Variants in RBM47 observed in about 807,000 individuals in gnomAD.
RBM47 encodes the protein RNA binding motif protein 47, also known as RNA-binding protein 47.
RBM47 carries 21 observed loss-of-function variants against 47.1 expected under a neutral mutation model. The observed-to-expected ratio is 0.45, with a 90% CI of 0.32 to 0.64. The LOEUF (loss-of-function observed/expected upper bound fraction) is 0.64. Among genes scored for constraint, RBM47 ranks in the 30% least tolerant of loss-of-function variants. The pLI, the probability that RBM47 is intolerant of heterozygous loss-of-function variation, is 0.05. For missense variants in RBM47, 708 were observed against 870.9 expected, an observed-to-expected ratio of 0.81 and a Z score of 2.35; for synonymous variants, 375 against 361.7, an observed-to-expected ratio of 1.04 and a Z score of -0.42.
chr4:40,536,368 G>A (rs113236750), intron 2 of RBM47, among the ~76,000 whole-genome samples: 18 of 152,092 alleles, frequency 1.2e-4, no homozygotes, highest in African/African-American at 4.3e-4. Flanking sequence ...GAAACTACAG[G>A]GCTGACATTT....
intron 2 of RBM47, among the ~76,000 whole-genome samples, chr4:40,500,369 C>T (rs559553342): frequency 4.0e-5 from 6 of 151,784 alleles, no homozygotes; most frequent in Non-Finnish European, 5.9e-5. Flanking sequence ...CCCAGCACTT[C>T]GGGAGGCCGA....
intron 1 of RBM47, among the ~76,000 whole-genome samples, 172 bp from the exon 2 acceptor site, chr4:40,544,678 G>A (rs78832413): frequency 1.3e-5 from 2 of 152,228 alleles, no homozygotes; most frequent in East Asian, 3.9e-4. Context: ...TACATAACCA[G>A]GCAATATAGG....
chr4:40,447,782 G>T (rs533688804), intron 3 of RBM47, among the ~76,000 whole-genome samples: 1 of 152,096 alleles, frequency 6.6e-6, no homozygotes, highest in East Asian at 1.9e-4. Context: ...AGGCTGAGGC[G>T]GGTGGATCAC....
At chr4:40,544,732 T>C (rs370923294) in intron 1 of RBM47, among the ~76,000 whole-genome samples, 22 of 152,276 alleles carry the variant, frequency 1.4e-4, no homozygotes, top group African/African-American at 5.3e-4. Flanking sequence ...TGCAAGACTA[T>C]TCCGTTTCAT....
At position 40,424,274 on chromosome 4, in the gene RBM47, T is replaced by C. The variant is rs913559560; in HGVS notation, c.*1630A>G. ...ACATAAAAACGCAACTGCGTTTTACTTGCTACCTTATTGCACACCTCACTT... is the reference window on the plus strand; with the variant it reads ...ACATAAAAACGCAACTGCGTTTTACCTGCTACCTTATTGCACACCTCACTT... On this transcript the variant is annotated 3_prime_UTR_variant, in exon 7 of 7. Coordinates refer to ENST00000295971, the MANE Select transcript of RBM47 (RefSeq NM_001098634.2). 2.0e-5 allele frequency: 3 copies of C among 152,652 alleles called. No homozygotes were observed. Among genetic ancestry groups the C allele is most frequent in the African/African-American group, 4.8e-5 (2 of 41,466 alleles). 9.5% of individuals were successfully genotyped at this position (152,652 alleles called of 1,614,324 possible).
At chr4:40,493,306 G>C (rs1023995266) in intron 2 of RBM47, among the ~76,000 whole-genome samples, 1 of 152,156 alleles carries the variant, frequency 6.6e-6, no homozygotes, top group Non-Finnish European at 1.5e-5. Context: ...GCCATGACAG[G>C]TGGCATTAAG....
intron 2 of RBM47, among the ~76,000 whole-genome samples, chr4:40,535,609 G>A (rs1389507685): frequency 2.0e-5 from 3 of 151,364 alleles, no homozygotes; most frequent in Non-Finnish European, 4.4e-5. Flanking sequence ...CGCCCAGGCT[G>A]GAGTGCAGTG....
intron 1 of RBM47, among the ~76,000 whole-genome samples, chr4:40,578,853 C>T (rs1435112370): frequency 2.0e-5 from 3 of 152,226 alleles, no homozygotes; most frequent in African/African-American, 7.2e-5. Context: ...CACGATGGCT[C>T]ACGCCTGTAA....
intron 1 of RBM47, among the ~76,000 whole-genome samples, chr4:40,545,197 A>T (rs1363110102): frequency 6.6e-6 from 1 of 151,142 alleles, no homozygotes; most frequent in Admixed American, 6.6e-5. Flanking sequence ...GATTACAGGC[A>T]TGCCCCACCA....
chr4:40,539,470 G>A (rs532906657), intron 2 of RBM47, among the ~76,000 whole-genome samples: 2 of 152,170 alleles, frequency 1.3e-5, no homozygotes, highest in Admixed American at 1.3e-4. Context: ...GCCAGGCACG[G>A]TGACTCGTGC....
chr4:40,546,278 G>A (rs1729030686), intron 1 of RBM47, among the ~76,000 whole-genome samples: 1 of 151,910 alleles, frequency 6.6e-6, no homozygotes, highest in Non-Finnish European at 1.5e-5. Flanking sequence ...AGCCTCCCAA[G>A]TAGCTGGGAT....
intron 1 of RBM47, among the ~76,000 whole-genome samples, chr4:40,554,958 G>A (rs1165041319): frequency 2.0e-5 from 3 of 151,688 alleles, no homozygotes; most frequent in Non-Finnish European, 2.9e-5. Context: ...TTTTTGAGAC[G>A]TAGTTTCCCT....
At chr4:40,612,311 C>G (rs1443859187) in intron 1 of RBM47, among the ~76,000 whole-genome samples, 1 of 152,190 alleles carries the variant, frequency 6.6e-6, no homozygotes, top group Non-Finnish European at 1.5e-5. Context: ...GTGGGCAGAT[C>G]ACTTGAGGTC....
rs1313737314 is a variant in RBM47, at chr4:40,535,379, T to TTTTTTTTTTTCTTTTTTTTTTTC, written c.-155+9042_-155+9043insGAAAAAAAAAAAGAAAAAAAAAA. Among the ~76,000 whole-genome samples the TTTTTTTTTTTCTTTTTTTTTTTC allele has an allele frequency of 1.2e-4, 17 of 137,540 alleles. 1 individual carries two copies. The highest frequency in any genetic ancestry group is 1.9e-4 in the Non-Finnish European group (12 of 64,296). 90.2% of individuals were successfully genotyped at this position (137,540 alleles called of 152,430 possible). ...AGCCTGGTATGGTATTTCTTTTTTTTTTTTTTTTTTTGAGACGGAGCCTTG... is the reference window on the plus strand; with the variant it reads ...AGCCTGGTATGGTATTTCTTTTTTTTTTTTTTTTTTCTTTTTTTTTTTCTTTTTTTTTTTGAGACGGAGCCTTG... On this transcript the variant is annotated intron_variant, in intron 2 of 6. Coordinates refer to ENST00000295971, the MANE Select transcript of RBM47 (RefSeq NM_001098634.2).
At chr4:40,567,557 CA>C (rs907956006) in intron 1 of RBM47, among the ~76,000 whole-genome samples, 2 of 152,002 alleles carry the variant, frequency 1.3e-5, no homozygotes, top group African/African-American at 4.8e-5. Flanking sequence ...AATAGTCATG[CA>C]GTAACTGTTG....
intron 2 of RBM47, among the ~76,000 whole-genome samples, chr4:40,537,791 T>TA (rs1728125603): frequency 1.3e-5 from 2 of 152,212 alleles, no homozygotes; most frequent in African/African-American, 4.8e-5. Context: ...CACCATGGGC[T>TA]AAATGTAAAT....
At chr4:40,600,141 T>C (rs1205061383) in intron 1 of RBM47, among the ~76,000 whole-genome samples, 5 of 151,938 alleles carry the variant, frequency 3.3e-5, no homozygotes, top group Admixed American at 2.0e-4. Flanking sequence ...CCTGAGCAGC[T>C]GGGACTACAG....
In RBM47 at chr4:40,437,091, ATATAT is replaced by A. The variant is rs1435772371; in HGVS notation, c.1124-449_1124-445del. ...CCTGTCTCAAAAAAAAAAAAAAAAAATATATATATATATATATATAAAATACATAT... is the reference window on the plus strand; with the variant it reads ...CCTGTCTCAAAAAAAAAAAAAAAAAAATATATATATATATAAAATACATAT... On this transcript the variant is annotated intron_variant, in intron 4 of 6. Transcript: ENST00000295971. Among the ~76,000 whole-genome samples, 14 of 32,482 alleles carry A rather than the reference ATATAT, an allele frequency of 4.3e-4. 1 individual carries two copies. Among genetic ancestry groups the A allele is most frequent in the East Asian group, 1.3e-3 (1 of 782 alleles). 21.3% of individuals were successfully genotyped at this position (32,482 alleles called of 152,430 possible). A position where few individuals can be genotyped will look rare whatever the true frequency, so the allele number is the denominator to read the frequency against.
chr4:40,550,167 C>T (rs1240250787), intron 1 of RBM47, among the ~76,000 whole-genome samples: 1 of 152,222 alleles, frequency 6.6e-6, no homozygotes, highest in Non-Finnish European at 1.5e-5. Flanking sequence ...CGAATTCTCA[C>T]ATGGTCTCCT....
Sources: gnomAD v4.1 joint callset for allele counts (sites outside exome capture counted in the v4.1 genomes callset) on GRCh38, gnomAD v4.1.1 for gene constraint, MANE v1.5 for transcripts, NCBI Gene and HGNC (gene_info 2026-07-23, HGNC 2026-07-21) for gene names.